The following STOML1 variants were observed in gnomAD, a reference collection of about 807,000 sequenced individuals.
STOML1 encodes stomatin-like protein 1.
A neutral mutation model predicts 35.7 loss-of-function variants in STOML1; 27 were observed. The observed-to-expected ratio is 0.76, with a 90% confidence interval of 0.56 to 1.04. The LOEUF (loss-of-function observed/expected upper bound fraction) is 1.04. Among genes scored for constraint, STOML1 ranks in the 50% least tolerant of loss-of-function variants. The probability of loss-of-function intolerance (pLI) is 0.00; values close to 1 mark genes in which losing one functional copy is unlikely to be tolerated. For synonymous variants in STOML1, 219 were observed against 227.9 expected (o/e 0.96, Z 0.35); for missense variants, 451 against 527.1 (o/e 0.86, Z 1.41).
intron 1 of STOML1, 85 bp downstream of exon 1, chr15:73,992,006 C>A: frequency 6.9e-7 from 1 of 1,459,200 alleles, no homozygotes. Flanking sequence ...GGCACCGGGC[C>A]GGCCGACTCC....
rs534460221 is a variant in STOML1, at chr15:73,980,739, G to A, written c.*3198C>T. The A allele has an allele frequency of 6.6e-6, 1 of 152,232 alleles. No homozygotes were observed. Among genetic ancestry groups the A allele is most frequent in the East Asian group, 1.9e-4 (1 of 5,182 alleles). The allele number at this position is 152,232 out of a possible 1,614,324, so 9.4% of individuals were successfully genotyped here. A position where few individuals can be genotyped will look rare whatever the true frequency, so the allele number is the denominator to read the frequency against. ...GCTTTCCTATCTTTTTAAATGTTTA[G>A]CCAACCAAAATTTAAATATTGGCTG... On this transcript the variant is annotated 3_prime_UTR_variant, in exon 7 of 7. Transcript: ENST00000541638.
chr15:73,985,424 G>C lies in STOML1; in HGVS notation c.684C>G (p.Asp228Glu). The C allele has an allele frequency of 6.4e-7, 1 of 1,560,746 alleles. No homozygotes were observed. Among genetic ancestry groups the C allele is most frequent in the Non-Finnish European group, 8.6e-7 (1 of 1,160,250 alleles). The change falls in exon 5 of 7, where the codon GAC becomes GAG. Residue 228 changes from aspartate (D) to glutamate (E), a missense_variant. Asp to Glu is a conservative substitution (Grantham distance 45). Coordinates refer to ENST00000541638, the MANE Select transcript of STOML1 (RefSeq NM_004809.5). Reference sequence around the variant, plus strand: ...TGTCCAGGTTGGGCCCAGCTGGGCTGTCCTGGGGCGGCTGGAGCACGGCCT... The same window carrying C: ...TGTCCAGGTTGGGCCCAGCTGGGCTCTCCTGGGGCGGCTGGAGCACGGCCT... ...AVEAVLQPPQ[D>E]SPAGPNLDST...
Position 73,988,291 on chromosome 15 carries a change from G to A in STOML1, c.594+308C>T. 3.0e-6 allele frequency: 1 copy of A among 332,174 alleles called. No individual in the cohort carries two copies. Among genetic ancestry groups the A allele is most frequent in the Non-Finnish European group, 5.7e-6 (1 of 174,136 alleles). 20.6% of individuals were successfully genotyped at this position (332,174 alleles called of 1,614,324 possible). ...ATGAGTCAGGCCCGGAATGAGAGCTGTAGAAGCCAGTGTCATCATGGCAGA... is the reference window on the plus strand; with the variant it reads ...ATGAGTCAGGCCCGGAATGAGAGCTATAGAAGCCAGTGTCATCATGGCAGA... On this transcript the variant is annotated intron_variant, in intron 4 of 6. Transcript: ENST00000541638. This position sits in a 1 kb window ranked among gnomAD's most constrained non-coding sequence, Gnocchi z 4.8.
In STOML1 at chr15:73,988,480, T is replaced by A; in HGVS notation, c.594+119A>T. The A allele has an allele frequency of 8.2e-7, 1 of 1,225,852 alleles. No homozygotes were observed. Among genetic ancestry groups the A allele is most frequent in the Non-Finnish European group, 1.1e-6 (1 of 882,214 alleles). The allele number at this position is 1,225,852 out of a possible 1,614,324, so 75.9% of individuals were successfully genotyped here. A position where few individuals can be genotyped will look rare whatever the true frequency, so the allele number is the denominator to read the frequency against. On this transcript the variant is annotated intron_variant, in intron 4 of 6. Transcript: ENST00000541638. This position sits in a 1 kb window ranked among gnomAD's most constrained non-coding sequence, Gnocchi z 4.8. ...ACTGGCTCTTCAAAGGTGGTTACAC[T>A]ATTGGGACATATGGTAAACTGAGGC... is the stretch of plus-strand genomic sequence containing the variant.
intron 1 of STOML1, chr15:73,991,628 T>C: frequency 2.2e-6 from 1 of 459,202 alleles, no homozygotes; most frequent in Non-Finnish European, 4.4e-6. Context: ...GCTGAGGACC[T>C]GTCATTTTGG....
chr15:73,992,187 CCAGGGG>C lies in STOML1; in HGVS notation c.31_36del (p.Pro11_Leu12del), dbSNP rs2069301094. Reference sequence around the variant, plus strand: ...GACTGCTGGAAGCGGTCAAAATCACCCAGGGGCAGCGCCCGGTACCCAGACCTGCCG... The same window carrying C: ...GACTGCTGGAAGCGGTCAAAATCACCCAGCGCCCGGTACCCAGACCTGCCG... On this transcript the variant is annotated inframe_deletion, in exon 1 of 7. Coordinates refer to ENST00000541638, the MANE Select transcript of STOML1 (RefSeq NM_004809.5). 1 of 1,607,502 alleles carries C rather than the reference CCAGGGG, an allele frequency of 6.2e-7. No homozygotes were observed. The highest frequency in any genetic ancestry group is 2.3e-5 in the East Asian group (1 of 43,808).
rs2069039662 is a variant in STOML1, at chr15:73,984,850, C to T, written c.812G>A (p.Ser271Asn). 1 of 1,613,958 alleles carries T rather than the reference C, an allele frequency of 6.2e-7. No homozygotes were observed. Among genetic ancestry groups the T allele is most frequent in the Non-Finnish European group, 8.5e-7 (1 of 1,180,046 alleles). Residue 271 changes from serine (S) to asparagine (N), a missense_variant, in exon 6 of 7, where the codon AGT becomes AAT. Physicochemically the swap from Ser to Asn is conservative, Grantham distance 46 (BLOSUM62 1). Coordinates refer to ENST00000541638, the MANE Select transcript of STOML1 (RefSeq NM_004809.5). Reference sequence around the variant, plus strand: ...TTGAGGGGCAGGTGGCTCAACTTCACTCACCATCTCCACGGTGTCTGCTGG... The same window carrying T: ...TTGAGGGGCAGGTGGCTCAACTTCATTCACCATCTCCACGGTGTCTGCTGG... ...PGPADTVEMVSEVEPPAPQVG... is the reference protein window; with the variant it reads ...PGPADTVEMVNEVEPPAPQVG...
Position 73,983,815 on chromosome 15 carries a change from TG to T in STOML1, c.*121del. ...CAGCCTCCATTCATGGGCTCTTGGCTGGGCCTGAAATTTGTTAGGGCCTCAA... is the reference window on the plus strand; with the variant it reads ...CAGCCTCCATTCATGGGCTCTTGGCTGGCCTGAAATTTGTTAGGGCCTCAA... On this transcript the variant is annotated 3_prime_UTR_variant, in exon 7 of 7. Coordinates refer to ENST00000541638, the MANE Select transcript of STOML1 (RefSeq NM_004809.5). 8.5e-7 allele frequency: 1 copy of T among 1,177,800 alleles called. No individual in the cohort carries two copies. The highest frequency in any genetic ancestry group is 1.2e-6 in the Non-Finnish European group (1 of 850,726). The allele number at this position is 1,177,800 out of a possible 1,614,324, so 73.0% of individuals were successfully genotyped here.
At position 73,989,242 on chromosome 15, in the gene STOML1, C is replaced by T. The variant is rs746256656; in HGVS notation, c.256G>A (p.Glu86Lys). The part of the protein sequence containing the change: ...WFALKIVPTY[E>K]RMIVFRLGRI... ...CCCAGGCGGAACACAATCATCCGCT[C>T]GTAGGTGGGCACAATCTGTCCACAA... Residue 86 changes from glutamate to lysine, a missense_variant, in exon 3 of 7, where the codon GAG (glutamate) becomes AAG (lysine). Transcript: ENST00000541638. The T allele has an allele frequency of 2.5e-6, 4 of 1,599,478 alleles. No individual in the cohort carries two copies. Among genetic ancestry groups the T allele is most frequent in the East Asian group, 4.5e-5 (2 of 44,630 alleles).
intron 1 of STOML1, chr15:73,991,862 G>A (rs1332558814): frequency 4.6e-6 from 3 of 656,574 alleles, no homozygotes; most frequent in Non-Finnish European, 5.1e-6. Flanking sequence ...TGGAAGATAG[G>A]AGCAACGCTG....
chr15:73,984,083 C>T lies in STOML1; in HGVS notation c.1051G>A (p.Val351Met). 2 of 1,614,016 alleles carry T rather than the reference C, an allele frequency of 1.2e-6. No individual in the cohort carries two copies. The highest frequency in any genetic ancestry group is 1.7e-5 in the Admixed American group (1 of 60,028). Residue 351 changes from valine to methionine, a missense_variant, in exon 7 of 7, where the codon GTG becomes ATG. Transcript: ENST00000541638. Reference protein sequence around the residue: ...HGVPDGIPDVVVEMAEADLRA... With the variant: ...HGVPDGIPDVMVEMAEADLRA... ...AGGTCTGCCTCGGCCATCTCCACCA[C>T]CACATCAGGGATGCCATCAGGCACC...
rs553715090 is a variant in STOML1, at chr15:73,983,724, G to A, written c.*213C>T. 50 of 532,896 alleles carry A rather than the reference G, an allele frequency of 9.4e-5. No homozygotes were observed. The Middle Eastern group carries it at 1.5e-3, about 16-fold the overall frequency. The allele number at this position is 532,896 out of a possible 1,614,324, so 33.0% of individuals were successfully genotyped here. A position where few individuals can be genotyped will look rare whatever the true frequency, so the allele number is the denominator to read the frequency against. On this transcript the variant is annotated 3_prime_UTR_variant, in exon 7 of 7. Transcript: ENST00000541638. ...TGGGCACTCAGCTGGGGACCGGGAT[G>A]GACAAAGCCTTGTCCAGAGAACCAC... is the stretch of plus-strand genomic sequence containing the variant.
Position 73,990,362 on chromosome 15 carries a change from A to G in STOML1, c.229T>C (p.Phe77Leu). The G allele has an allele frequency of 6.2e-7, 1 of 1,614,074 alleles. No homozygotes were observed. The highest frequency in any genetic ancestry group is 8.5e-7 in the Non-Finnish European group (1 of 1,179,968). Residue 77 changes from phenylalanine to leucine, a missense_variant, in exon 2 of 7, where the codon TTT becomes CTT. Coordinates refer to ENST00000541638, the MANE Select transcript of STOML1 (RefSeq NM_004809.5). Reference sequence around the variant, plus strand: ...CCAGCCAGCCTTACCTTCAGGGCAAACCAGCCAGAAATGGGGAAGGTGACC... The same window carrying G: ...CCAGCCAGCCTTACCTTCAGGGCAAGCCAGCCAGAAATGGGGAAGGTGACC... ...LLVTFPISGW[F>L]ALKIVPTYER...
chr15:73,985,562 TGA>T, intron 4 of STOML1, 49 bp from the exon 5 acceptor site: 1 of 1,524,534 alleles, frequency 6.6e-7, no homozygotes, highest in Non-Finnish European at 8.8e-7. Context: ...AAACCTTTCC[TGA>T]GCACCTTCTT....
chr15:73,988,509 G>C lies in STOML1; in HGVS notation c.594+90C>G. On this transcript the variant is annotated intron_variant, in intron 4 of 6. Transcript: ENST00000541638. The surrounding 1 kb of genome is among the most constrained non-coding windows in gnomAD (Gnocchi z 4.8). ...GGGACATATGGTAAACTGAGGCCCA[G>C]AGTGGTCTGACTCTTTTCTCAAAGT... The C allele has an allele frequency of 6.8e-7, 1 of 1,474,878 alleles. No homozygotes were observed. The highest frequency in any genetic ancestry group is 1.9e-5 in the Admixed American group (1 of 52,230). 91.4% of individuals were successfully genotyped at this position (1,474,878 alleles called of 1,614,324 possible).
rs2068959590 is a variant in STOML1 at position 73,981,445 on chromosome 15, C to T, written c.*2492G>A. The T allele has an allele frequency of 6.6e-6, 1 of 152,260 alleles. No individual in the cohort carries two copies. The highest frequency in any genetic ancestry group is 1.9e-4 in the East Asian group (1 of 5,190). 9.4% of individuals were successfully genotyped at this position (152,260 alleles called of 1,614,324 possible). On this transcript the variant is annotated 3_prime_UTR_variant, in exon 7 of 7. Transcript: ENST00000541638. ...ATACTTAAACTATTATCATTATTCA[C>T]CAGGTTATCTTGAAGAAAAATATAA...
In STOML1 at chr15:73,984,797, G is replaced by A. The variant is rs750650057; in HGVS notation, c.865C>T (p.Pro289Ser). Residue 289 changes from proline to serine, a missense_variant, in exon 6 of 7, where the codon CCT becomes TCT. By Grantham distance (74) the Pro-to-Ser change is moderately conservative. Coordinates refer to ENST00000541638, the MANE Select transcript of STOML1 (RefSeq NM_004809.5). ...GCAGTCAGTAGCCCCTCCGCCAGAG[G>A]CTGCTTCGGACTGGACCTGGCACCA... ...QVGARSSPKQ[P>S]LAEGLLTALQ... is the part of the protein sequence containing the mutation. The A allele has an allele frequency of 6.2e-7, 1 of 1,614,150 alleles. No homozygotes were observed. The highest frequency in any genetic ancestry group is 8.5e-7 in the Non-Finnish European group (1 of 1,180,042).
rs944791951 is a variant in STOML1, at chr15:73,979,231, G to A, written c.*4706C>T. On this transcript the variant is annotated 3_prime_UTR_variant, in exon 7 of 7. Transcript: ENST00000541638. Reference sequence around the variant, plus strand: ...AAAGCTGGAGGTGGCAAGCACTGACGGGAAGTGACGTGGAGAACTTTGTGA... The same window carrying A: ...AAAGCTGGAGGTGGCAAGCACTGACAGGAAGTGACGTGGAGAACTTTGTGA... 4 of 152,184 alleles carry A rather than the reference G, an allele frequency of 2.6e-5. No homozygotes were observed. The highest frequency in any genetic ancestry group is 2.6e-4 in the Admixed American group (4 of 15,272). 9.4% of individuals were successfully genotyped at this position (152,184 alleles called of 1,614,324 possible).
Position 73,992,103 on chromosome 15 carries a change from C to A in STOML1, c.121G>T (p.Gly41Trp), listed in dbSNP as rs1267654361. 4 of 1,595,480 alleles carry A rather than the reference C, an allele frequency of 2.5e-6. No individual in the cohort carries two copies. The highest frequency in any genetic ancestry group is 3.4e-6 in the Non-Finnish European group (4 of 1,172,582). Residue 41 changes from glycine (G) to tryptophan (W), a missense_variant, in exon 1 of 7, where the codon GGG becomes TGG. By Grantham distance (184) the Gly-to-Trp change is radical. Coordinates refer to ENST00000541638, the MANE Select transcript of STOML1 (RefSeq NM_004809.5). Reference sequence around the variant, plus strand: ...GGCGGCCACTCACCGGCCCCTGTCCCCACGCCGCCCCGCTCCGGGGACAAG... The same window carrying A: ...GGCGGCCACTCACCGGCCCCTGTCCACACGCCGCCCCGCTCCGGGGACAAG... ...GCLSPERGGV[G>W]TGADVPQSWP...
Sources: gnomAD v4.1 joint callset for allele counts on GRCh38, gnomAD v4.1.1 for gene constraint, Gnocchi (gnomAD v3.1) non-coding constraint, MANE v1.5 for transcripts, NCBI Gene and HGNC (gene_info 2026-07-23, HGNC 2026-07-21) for gene names.